The following SP110 variants were observed in gnomAD, a reference collection of about 807,000 sequenced individuals.
The protein encoded by SP110 is interferon-induced protein 41, 30kD.
SP110 carries 62 observed loss-of-function variants against 92.7 expected under a neutral mutation model. The observed-to-expected ratio is 0.67, with a 90% CI of 0.55 to 0.83. The LOEUF (loss-of-function observed/expected upper bound fraction) is 0.83. SP110 is among the 40% of genes least tolerant of loss of function. The pLI is 0.00. For synonymous variants in SP110, 273 were observed against 305.3 expected, an observed-to-expected ratio of 0.89 and a Z score of 1.10; for missense variants, 793 against 863.9, an observed-to-expected ratio of 0.92 and a Z score of 1.03.
chr2:230,215,041 A>C lies in SP110; in HGVS notation c.225T>G (p.Thr75=). The C allele has an allele frequency of 6.2e-7, 1 of 1,613,632 alleles. No individual in the cohort carries two copies. Among genetic ancestry groups the C allele is most frequent in the Non-Finnish European group, 8.5e-7 (1 of 1,179,484 alleles). The change falls in exon 3 of 19, where the codon ACT becomes ACG. Residue 75 remains threonine (T), a synonymous_variant. Coordinates refer to ENST00000258381, the MANE Select transcript of SP110 (RefSeq NM_080424.4). ...ATGTCACCAGAAGAGACAGGTTAAA[A>C]GTCCTCTCCAGTTGGGTGAGAATGT... ...VHNILTQLER[T]FNLSLLVTLF... is the part of the protein sequence containing the mutation.
Position 230,211,418 on chromosome 2 carries a change from T to C in SP110, c.751+52A>G. 2 of 1,152,294 alleles carry C rather than the reference T, an allele frequency of 1.7e-6. No individual in the cohort carries two copies. The highest frequency in any genetic ancestry group is 3.0e-5 in the African/African-American group (2 of 66,038). The allele number at this position is 1,152,294 out of a possible 1,614,324, so 71.4% of individuals were successfully genotyped here. A position where few individuals can be genotyped will look rare whatever the true frequency, so the allele number is the denominator to read the frequency against. On this transcript the variant is annotated intron_variant, in intron 6 of 18. Coordinates refer to ENST00000258381, the MANE Select transcript of SP110 (RefSeq NM_080424.4). This position sits in a 1 kb window ranked among gnomAD's most constrained non-coding sequence, Gnocchi z 4.2. ...AGAAGATCCGAATGGCTTTTCCTCTTAGTAAACACAGAAACAAAGGCAAGC... is the reference window on the plus strand; with the variant it reads ...AGAAGATCCGAATGGCTTTTCCTCTCAGTAAACACAGAAACAAAGGCAAGC...
intron 8 of SP110, among the ~76,000 whole-genome samples, chr2:230,205,995 G>A (rs984153202): frequency 1.3e-5 from 2 of 152,094 alleles, no homozygotes; most frequent in African/African-American, 4.8e-5. Flanking sequence ...AAGTAGAATG[G>A]GGGAGAAAGC....
intron 12 of SP110, among the ~76,000 whole-genome samples, chr2:230,182,423 A>C (rs1018857852): frequency 5.3e-5 from 8 of 152,136 alleles, no homozygotes; most frequent in African/African-American, 1.9e-4. Flanking sequence ...CTATGTAACA[A>C]GCCTGCACAT....
At chr2:230,199,523 A>C (rs1222816930) in intron 10 of SP110, among the ~76,000 whole-genome samples, 1 of 152,074 alleles carries the variant, frequency 6.6e-6, no homozygotes, top group Admixed American at 6.6e-5. Flanking sequence ...ACATAATCCT[A>C]ATGGTGACAG....
At chr2:230,203,867 G>A (rs1013778442) in intron 8 of SP110, among the ~76,000 whole-genome samples, 7 of 152,136 alleles carry the variant, frequency 4.6e-5, no homozygotes, top group Non-Finnish European at 8.8e-5. Flanking sequence ...TTGTTTAATG[G>A]GTACAGGGTT....
At position 230,212,956 on chromosome 2, in the gene SP110, C is replaced by T; in HGVS notation, c.388G>A (p.Gly130Arg). The T allele has an allele frequency of 1.2e-6, 2 of 1,614,018 alleles. No homozygotes were observed. Among genetic ancestry groups the T allele is most frequent in the Non-Finnish European group, 1.7e-6 (2 of 1,179,984 alleles). The change falls in exon 4 of 19, where the codon GGA (glycine) becomes AGA (arginine). Residue 130 changes from glycine to arginine, a missense_variant. Coordinates refer to ENST00000258381, the MANE Select transcript of SP110 (RefSeq NM_080424.4). ...GCCAGTGGGGTATGGAGGGAGCTTC[C>T]TTCTGCTAGGCCAGTTGGGGCTTCA... The part of the protein sequence containing the change: ...LLEAPTGLAE[G>R]SSLHTPLALP...
rs1190828948 is a variant in SP110 at position 230,216,799 on chromosome 2, G to A, written c.129C>T (p.Ile43=). 2 of 1,614,092 alleles carry A rather than the reference G, an allele frequency of 1.2e-6. No homozygotes were observed. The highest frequency in any genetic ancestry group is 1.7e-6 in the Non-Finnish European group (2 of 1,179,974). Residue 43 remains isoleucine, a synonymous_variant, in exon 2 of 19, where the codon ATC becomes ATT. Transcript: ENST00000258381. ...FFEGLLDNSI[I]TKRMYMESLE... ...GACTCACCATGTACATTCTCTTAGT[G>A]ATGATGGAGTTGTCTAGGAGGCCTT... is the stretch of plus-strand genomic sequence containing the variant.
At chr2:230,198,195 C>T (rs1035490651) in intron 10 of SP110, among the ~76,000 whole-genome samples, 6 of 152,148 alleles carry the variant, frequency 3.9e-5, no homozygotes, top group African/African-American at 1.2e-4. Context: ...GGCCTTCTGG[C>T]GCCTCCCTCT....
intron 7 of SP110, 132 bp from the exon 8 acceptor site, chr2:230,208,191 T>A: frequency 1.6e-6 from 1 of 642,234 alleles, no homozygotes; most frequent in Non-Finnish European, 2.8e-6. Flanking sequence ...TAGGTGATGG[T>A]ACTTCAGGGA....
intron 8 of SP110, 76 bp downstream of exon 8, chr2:230,207,915 A>C (rs1574719829): frequency 2.7e-6 from 2 of 743,120 alleles, no homozygotes; most frequent in Non-Finnish European, 4.8e-6. Context: ...ATAAAATTCA[A>C]CCCTCCACAG....
chr2:230,194,133 C>T (rs1419788593), intron 10 of SP110, among the ~76,000 whole-genome samples: 1 of 151,980 alleles, frequency 6.6e-6, no homozygotes, highest in Non-Finnish European at 1.5e-5. Flanking sequence ...ATGCTGGGAA[C>T]AAGCAGAAAA....
At chr2:230,215,441 T>C (rs376968337) in intron 2 of SP110, among the ~76,000 whole-genome samples, 53 of 152,350 alleles carry the variant, frequency 3.5e-4, no homozygotes, top group African/African-American at 1.0e-3. Context: ...AGGATGCTAC[T>C]ATGTAATTGA....
chr2:230,196,701 C>T (rs1418489331), intron 10 of SP110, among the ~76,000 whole-genome samples: 2 of 150,734 alleles, frequency 1.3e-5, no homozygotes, highest in Non-Finnish European at 3.0e-5. Flanking sequence ...CCTCCCCGCA[C>T]CCCACAACAG....
chr2:230,192,534 A>G (rs1325464579), intron 10 of SP110, among the ~76,000 whole-genome samples: 1 of 151,232 alleles, frequency 6.6e-6, no homozygotes, highest in African/African-American at 2.4e-5. Context: ...ACCATTCACA[A>G]TCACTACAAA....
intron 2 of SP110, 97 bp from the exon 3 acceptor site, chr2:230,215,215 T>C (rs1288839937): frequency 1.0e-6 from 1 of 966,510 alleles, no homozygotes; most frequent in Non-Finnish European, 1.6e-6. Flanking sequence ...GCTACCTTAC[T>C]CTTTTAAGAA....
intron 10 of SP110, 182 bp downstream of exon 10, chr2:230,200,703 C>G (rs2043090578): frequency 1.6e-6 from 1 of 630,718 alleles, no homozygotes. Flanking sequence ...ATAAAATGGA[C>G]ATATATTTGT....
chr2:230,183,280 G>A (rs1307721036), intron 12 of SP110, among the ~76,000 whole-genome samples: 2 of 152,186 alleles, frequency 1.3e-5, no homozygotes, highest in South Asian at 2.1e-4. Context: ...AGACATAGAA[G>A]TTCATTTTAG....
intron 3 of SP110, among the ~76,000 whole-genome samples, chr2:230,213,503 C>T (rs952377582): frequency 3.3e-5 from 5 of 152,292 alleles, no homozygotes; most frequent in Non-Finnish European, 5.9e-5. Context: ...GCAGAGTCAG[C>T]TTCTGTGCCT....
At chr2:230,183,670 C>T in intron 11 of SP110, 30 bp from the exon 12 acceptor site, 1 of 1,279,254 alleles carries the variant, frequency 7.8e-7, no homozygotes, top group Non-Finnish European at 1.1e-6. Context: ...TCACTTATAG[C>T]TACAAACATA....
Sources: allele counts gnomAD v4.1 joint callset (sites outside exome capture counted in the v4.1 genomes callset), GRCh38; gene constraint gnomAD v4.1.1; non-coding constraint Gnocchi (gnomAD v3.1); transcripts MANE v1.5; gene names NCBI Gene and HGNC (gene_info 2026-07-23, HGNC 2026-07-21).